Variants in GUF1 observed in about 807,000 individuals in gnomAD.
GUF1 encodes the protein translation factor GUF1, mitochondrial.
A neutral mutation model predicts 82.4 loss-of-function variants in GUF1; 78 were observed. The ratio of observed to expected loss-of-function variants is 0.95; its 90% CI spans 0.79 to 1.14. The LOEUF is 1.14. GUF1 is among the 50% of genes most tolerant of loss of function. GUF1 has a pLI of 0.00. For missense variants in GUF1, 814 were observed against 798.2 expected (o/e 1.02, Z -0.24); for synonymous variants, 279 against 282.3 (o/e 0.99, Z 0.12).
intron 12 of GUF1, 137 bp downstream of exon 12, chr4:44,690,997 A>G (rs1577774805): frequency 2.2e-6 from 1 of 461,604 alleles, no homozygotes; most frequent in Non-Finnish European, 3.8e-6. Flanking sequence ...ATCTGTCTAT[A>G]TCTATACACA....
intron 1 of GUF1, among the ~76,000 whole-genome samples, chr4:44,679,800 T>C (rs1714659330): frequency 6.6e-6 from 1 of 152,164 alleles, no homozygotes; most frequent in African/African-American, 2.4e-5. Context: ...ATATTTTGCT[T>C]GATAACAATT....
intron 8 of GUF1, among the ~76,000 whole-genome samples, chr4:44,687,372 CAGAA>C (rs1715120880): frequency 1.3e-5 from 2 of 150,416 alleles, no homozygotes; most frequent in East Asian, 2.0e-4. Flanking sequence ...TATATTGAGT[CAGAA>C]AGTCTATTTT....
intron 7 of GUF1, 54 bp downstream of exon 7, chr4:44,686,077 T>C (rs1715029778): frequency 1.7e-6 from 2 of 1,194,578 alleles, no homozygotes; most frequent in South Asian, 1.2e-5. Context: ...GTTCAAAAAC[T>C]GTCCATGTTT....
At chr4:44,691,832 C>T in intron 13 of GUF1, 33 bp downstream of exon 13, 1 of 1,513,622 alleles carries the variant, frequency 6.6e-7, no homozygotes. Flanking sequence ...AGATGCCTGA[C>T]CAACTTTTTT....
At position 44,678,757 on chromosome 4, in the gene GUF1, C is replaced by T. The variant is rs1714589270; in HGVS notation, c.135C>T (p.Thr45=). Residue 45 remains threonine, a synonymous_variant, in exon 1 of 17, where the codon ACC becomes ACT. Coordinates refer to ENST00000281543, the MANE Select transcript of GUF1 (RefSeq NM_021927.3). The part of the protein sequence containing the change: ...TLGAAPESWA[T]DRLYSSAEFK... ...GGGCTGCTCCAGAGTCCTGGGCTAC[C>T]GACAGGCTCTACAGCTCCGCAGAAT... 1 of 1,551,552 alleles carries T rather than the reference C, an allele frequency of 6.4e-7. No homozygotes were observed. Among genetic ancestry groups the T allele is most frequent in the Non-Finnish European group, 8.6e-7 (1 of 1,156,294 alleles).
rs552462164 is a variant in GUF1, at chr4:44,700,900, G to A, written c.*2219G>A. 6.4e-4 allele frequency: 97 copies of A among 152,242 alleles called. No homozygotes were observed. In the Middle Eastern group the frequency reaches 0.01, roughly 16 times the overall value. 9.4% of individuals were successfully genotyped at this position (152,242 alleles called of 1,614,324 possible). A position where few individuals can be genotyped will look rare whatever the true frequency, so the allele number is the denominator to read the frequency against. ...TGACAGTAGTATTTTGAAAATGACAGTATTTGAAATTAAAAAATTGTAAAA... is the reference window on the plus strand; with the variant it reads ...TGACAGTAGTATTTTGAAAATGACAATATTTGAAATTAAAAAATTGTAAAA... On this transcript the variant is annotated 3_prime_UTR_variant, in exon 17 of 17. Coordinates refer to ENST00000281543, the MANE Select transcript of GUF1 (RefSeq NM_021927.3).
At position 44,699,839 on chromosome 4, in the gene GUF1, T is replaced by C. The variant is rs1716108969; in HGVS notation, c.*1158T>C. On this transcript the variant is annotated 3_prime_UTR_variant, in exon 17 of 17. Coordinates refer to ENST00000281543, the MANE Select transcript of GUF1 (RefSeq NM_021927.3). ...CTTTCAGACATTCAAAACGCATTTG[T>C]GTAAAATGACAGGTGTTTGGTATTA... 6.6e-6 allele frequency: 1 copy of C among 152,240 alleles called. No individual in the cohort carries two copies. Among genetic ancestry groups the C allele is most frequent in the African/African-American group, 2.4e-5 (1 of 41,462 alleles). The allele number at this position is 152,240 out of a possible 1,614,324, so 9.4% of individuals were successfully genotyped here.
Position 44,688,063 on chromosome 4 carries a change from A to G in GUF1, c.995A>G (p.Gln332Arg), listed in dbSNP as rs746503211. Residue 332 changes from glutamine (Q) to arginine (R), a missense_variant, in exon 9 of 17, where the codon CAA becomes CGA. Physicochemically the swap from Gln to Arg is conservative, Grantham distance 43. Coordinates refer to ENST00000281543, the MANE Select transcript of GUF1 (RefSeq NM_021927.3). Reference protein sequence around the residue: ...IAGMKDVTEAQIGDTLCLHKQ... With the variant: ...IAGMKDVTEARIGDTLCLHKQ... Reference sequence around the variant, plus strand: ...GGGATGAAAGATGTCACTGAAGCGCAAATAGGAGATACATTATGTTTACAT... The same window carrying G: ...GGGATGAAAGATGTCACTGAAGCGCGAATAGGAGATACATTATGTTTACAT... 68 of 1,612,380 alleles carry G rather than the reference A, an allele frequency of 4.2e-5. No individual in the cohort carries two copies. Among genetic ancestry groups the G allele is most frequent in the Non-Finnish European group, 5.8e-5 (68 of 1,178,830 alleles).
In GUF1 at chr4:44,700,677, C is replaced by G. The variant is rs1716185949; in HGVS notation, c.*1996C>G. The G allele has an allele frequency of 6.6e-6, 1 of 152,180 alleles. No homozygotes were observed. The highest frequency in any genetic ancestry group is 1.5e-5 in the Non-Finnish European group (1 of 68,022). 9.4% of individuals were successfully genotyped at this position (152,180 alleles called of 1,614,324 possible). ...ACCCTGGGAAAATAAACTTTCTAAACTGACTTGAGAGCTGTCTCAGATATT... is the reference window on the plus strand; with the variant it reads ...ACCCTGGGAAAATAAACTTTCTAAAGTGACTTGAGAGCTGTCTCAGATATT... On this transcript the variant is annotated 3_prime_UTR_variant, in exon 17 of 17. Coordinates refer to ENST00000281543, the MANE Select transcript of GUF1 (RefSeq NM_021927.3).
chr4:44,681,214 T>C lies in GUF1; in HGVS notation c.507+11T>C, dbSNP rs771918028. On this transcript the variant is annotated intron_variant, in intron 4 of 16. Transcript: ENST00000281543. ...GTTGATGCAAATGAGGTAGGTATTTTTCATTTTGTATGATGTGATATGACA... is the reference window on the plus strand; with the variant it reads ...GTTGATGCAAATGAGGTAGGTATTTCTCATTTTGTATGATGTGATATGACA... 1 of 1,592,646 alleles carries C rather than the reference T, an allele frequency of 6.3e-7. No homozygotes were observed. Among genetic ancestry groups the C allele is most frequent in the South Asian group, 1.1e-5 (1 of 90,654 alleles).
chr4:44,691,456 TAAATG>T (rs1346383417), intron 12 of GUF1, among the ~76,000 whole-genome samples: 1 of 151,748 alleles, frequency 6.6e-6, no homozygotes, highest in Non-Finnish European at 1.5e-5. Context: ...GATTTACTGT[TAAATG>T]AAATAGTGTT....
Position 44,680,569 on chromosome 4 carries a change from A to G in GUF1, c.277+17A>G. 6.6e-7 allele frequency: 1 copy of G among 1,525,048 alleles called. No homozygotes were observed. The highest frequency in any genetic ancestry group is 9.0e-7 in the Non-Finnish European group (1 of 1,114,512). 94.5% of individuals were successfully genotyped at this position (1,525,048 alleles called of 1,614,324 possible). ...AACTTACAGGTATTTCATTTATGTTACATACTTAACTGATGGCTGCGAGTT... is the reference window on the plus strand; with the variant it reads ...AACTTACAGGTATTTCATTTATGTTGCATACTTAACTGATGGCTGCGAGTT... On this transcript the variant is annotated intron_variant, in intron 2 of 16. Transcript: ENST00000281543.
At chr4:44,687,738 T>C (rs1022255222) in intron 8 of GUF1, among the ~76,000 whole-genome samples, 1 of 152,042 alleles carries the variant, frequency 6.6e-6, no homozygotes, top group Non-Finnish European at 1.5e-5. Flanking sequence ...ACATATATTT[T>C]AGAAACTGCT....
rs564885253 is a variant in GUF1 at position 44,686,697 on chromosome 4, C to T, written c.922C>T (p.Gln308Ter). ...NEVGVLNPNE[Q>*]PTHKLYAGQV... ...AGTAGGAGTCTTGAATCCTAATGAG[C>T]AGCCAACTCATAAATTGTAAGTAAT... The change falls in exon 8 of 17, where the codon CAG (glutamine) becomes TAG (stop). Residue 308 changes from glutamine to a stop codon, truncating the protein, a stop_gained. Transcript: ENST00000281543. LOFTEE classifies it high-confidence loss of function. 10 of 1,603,032 alleles carry T rather than the reference C, an allele frequency of 6.2e-6. No homozygotes were observed. The African/African-American group carries it at 1.3e-4, about 21-fold the overall frequency.
At chr4:44,689,792 A>AAAG (rs397689200) in intron 10 of GUF1, 51 bp from the exon 11 acceptor site, 2 of 1,450,416 alleles carry the variant, frequency 1.4e-6, no homozygotes, top group Admixed American at 4.8e-5. Flanking sequence ...AAAAAAAAAA[A>AAAG]TGAAGCCCAT....
intron 1 of GUF1, among the ~76,000 whole-genome samples, chr4:44,680,053 G>A (rs1169733433): frequency 2.0e-5 from 3 of 152,036 alleles, no homozygotes; most frequent in Non-Finnish European, 2.9e-5. Context: ...TGTGTGATAG[G>A]AGCAGAAAAT....
In GUF1 at chr4:44,697,542, ATTCT is replaced by A. The variant is rs539421932; in HGVS notation, c.1872+101_1872+104del. 207 of 594,804 alleles carry A rather than the reference ATTCT, an allele frequency of 3.5e-4. 2 individuals carry two copies. The South Asian group carries it at 7.0e-3, about 20-fold the overall frequency. 36.8% of individuals were successfully genotyped at this position (594,804 alleles called of 1,614,324 possible). The stretch of plus-strand genomic sequence containing the variant: ...TGATTTCCATTGTTGGTTTTTATAC[ATTCT>A]TTGTTTCCAAGTTCCCTTTTTGAAT... On this transcript the variant is annotated intron_variant, in intron 16 of 16. Coordinates refer to ENST00000281543, the MANE Select transcript of GUF1 (RefSeq NM_021927.3).
rs763260672 is a variant in GUF1, at chr4:44,688,134, A to G, written c.1066A>G (p.Met356Val). 48 of 1,611,156 alleles carry G rather than the reference A, an allele frequency of 3.0e-5. No homozygotes were observed. Among genetic ancestry groups the G allele is most frequent in the South Asian group, 1.3e-4 (12 of 90,820 alleles). Residue 356 changes from methionine (M) to valine (V), a missense_variant, in exon 9 of 17, where the codon ATG (methionine) becomes GTG (valine). Transcript: ENST00000281543. ...GCCTGGGTTTAAATCAGCGAAACCA[A>G]TGGTATTTGCAGGTGAGGAGTTCAC... ...PLPGFKSAKP[M>V]VFAGMYPLDQ...
At position 44,686,169 on chromosome 4, in the gene GUF1, T is replaced by C. The variant is rs373674578; in HGVS notation, c.734+146T>C. On this transcript the variant is annotated intron_variant, in intron 7 of 16. Coordinates refer to ENST00000281543, the MANE Select transcript of GUF1 (RefSeq NM_021927.3). Reference sequence around the variant, plus strand: ...TATTCTTGCAGGCAGCGAGAATAAATTTATTTGCTTTTAGTAATACATAGA... The same window carrying C: ...TATTCTTGCAGGCAGCGAGAATAAACTTATTTGCTTTTAGTAATACATAGA... 1.6e-5 allele frequency: 10 copies of C among 636,500 alleles called. 1 individual carries two copies. Among genetic ancestry groups the C allele is most frequent in the East Asian group, 8.1e-5 (3 of 36,816 alleles). The allele number at this position is 636,500 out of a possible 1,614,324, so 39.4% of individuals were successfully genotyped here.
Sources: gnomAD v4.1 joint callset for allele counts (sites outside exome capture counted in the v4.1 genomes callset) on GRCh38, gnomAD v4.1.1 for gene constraint, MANE v1.5 for transcripts, NCBI Gene and HGNC (gene_info 2026-07-23, HGNC 2026-07-21) for gene names.